The following GEN1 variants were observed in gnomAD, a reference collection of about 807,000 sequenced individuals.
GEN1 encodes GEN1 structure-specific endonuclease.
A neutral mutation model predicts 67.6 loss-of-function variants in GEN1; 64 were observed. The observed-to-expected ratio is 0.95, with a 90% CI of 0.77 to 1.17. GEN1 has a LOEUF of 1.17. Ranked by LOEUF, GEN1 falls within the 50% of genes most tolerant of loss-of-function variation. GEN1 has a pLI of 0.00. For missense variants in GEN1, 1,058 were observed against 1,048.3 expected (o/e 1.01, Z -0.13); for synonymous variants, 371 against 359.4 (o/e 1.03, Z -0.37).
chr2:17,754,516 GC>G (rs1463614259), intron 1 of GEN1, 171 bp downstream of exon 1: 1 of 152,178 alleles, frequency 6.6e-6, no homozygotes, highest in Non-Finnish European at 1.5e-5. Flanking sequence ...CCGCGACTTG[GC>G]CCCTGTTTTC....
At position 17,761,613 on chromosome 2, in the gene GEN1, G is replaced by A. The variant is rs549113820; in HGVS notation, c.348+31G>A. The A allele has an allele frequency of 4.8e-5, 71 of 1,475,594 alleles. 1 individual carries two copies. In the Middle Eastern group the frequency reaches 5.3e-4, roughly 11 times the overall value. The allele number at this position is 1,475,594 out of a possible 1,614,324, so 91.4% of individuals were successfully genotyped here. A position where few individuals can be genotyped will look rare whatever the true frequency, so the allele number is the denominator to read the frequency against. On this transcript the variant is annotated intron_variant, in intron 3 of 13. Transcript: ENST00000381254. Reference sequence around the variant, plus strand: ...CATTCAGATTTGATTCAGTAATTCCGATTTGAATTAAAGGGTGCATTTTAC... The same window carrying A: ...CATTCAGATTTGATTCAGTAATTCCAATTTGAATTAAAGGGTGCATTTTAC...
At position 17,786,854 on chromosome 2, in the gene GEN1, G is replaced by T. The variant is rs1267100796; in HGVS notation, c.*4915G>T. ...ACAGTGTTTGACACAGTAACTACTA[G>T]ATGCATGAATGACAATTCTCCACAA... is the stretch of plus-strand genomic sequence containing the variant. On this transcript the variant is annotated 3_prime_UTR_variant, in exon 14 of 14. Coordinates refer to ENST00000381254, the MANE Select transcript of GEN1 (RefSeq NM_001130009.3). 6.6e-6 allele frequency: 1 copy of T among 152,056 alleles called. No individual in the cohort carries two copies. The highest frequency in any genetic ancestry group is 1.5e-5 in the Non-Finnish European group (1 of 68,050). 9.4% of individuals were successfully genotyped at this position (152,056 alleles called of 1,614,324 possible).
chr2:17,771,055 A>T (rs1672164118), intron 6 of GEN1, 141 bp from the exon 7 acceptor site: 1 of 689,820 alleles, frequency 1.4e-6, no homozygotes, highest in African/African-American at 1.8e-5. Context: ...GTTTTCCCAC[A>T]CTAGGCCAGC....
rs1311513749 is a variant in GEN1 at position 17,781,609 on chromosome 2, A to T, written c.2397A>T (p.Arg799Ser). ...TGAAGAAGAGTGTTTGCCTTGACAG[A>T]CATTCCTCTGATGAACAAAGTGCCC... ...ILMKKSVCLD[R>S]HSSDEQSAPV... The change falls in exon 14 of 14, where the codon AGA becomes AGT. Residue 799 changes from arginine (R) to serine (S), a missense_variant. Coordinates refer to ENST00000381254, the MANE Select transcript of GEN1 (RefSeq NM_001130009.3). 6.2e-7 allele frequency: 1 copy of T among 1,613,930 alleles called. No individual in the cohort carries two copies. The highest frequency in any genetic ancestry group is 1.3e-5 in the African/African-American group (1 of 74,938).
chr2:17,769,660 TTAA>T lies in GEN1; in HGVS notation c.710+856_710+858del, dbSNP rs1208827080. Reference sequence around the variant, plus strand: ...TGGCCTTTGCTTTATAGCTACATATTTAATAATAACATTAATTCGTTTAGTCTC... The same window carrying T: ...TGGCCTTTGCTTTATAGCTACATATTTAATAACATTAATTCGTTTAGTCTC... On this transcript the variant is annotated intron_variant, in intron 6 of 13. Transcript: ENST00000381254. Among the ~76,000 whole-genome samples the T allele has an allele frequency of 3.3e-5, 5 of 152,200 alleles. No individual in the cohort carries two copies. The East Asian group carries it at 7.7e-4, about 23-fold the overall frequency.
At chr2:17,755,149 T>C (rs1440380226) in intron 1 of GEN1, 1 of 152,252 alleles carries the variant, frequency 6.6e-6, no homozygotes, top group Non-Finnish European at 1.5e-5. Context: ...GCCCTTGCCA[T>C]GGATCAACGA....
chr2:17,780,884 G>T lies in GEN1; in HGVS notation c.1672G>T (p.Ala558Ser). The part of the protein sequence containing the change: ...LRPLAIQQIK[A>S]VSKSLISESS... ...ACCTTTGGCTATACAGCAAATTAAA[G>T]CTGTCAGTAAGTCTCTAATTTCAGA... The change falls in exon 14 of 14, where the codon GCT becomes TCT. Residue 558 changes from alanine to serine, a missense_variant. Ala to Ser is a moderately conservative substitution (Grantham distance 99). Coordinates refer to ENST00000381254, the MANE Select transcript of GEN1 (RefSeq NM_001130009.3). The T allele has an allele frequency of 1.2e-6, 2 of 1,613,858 alleles. No homozygotes were observed. The highest frequency in any genetic ancestry group is 1.7e-6 in the Non-Finnish European group (2 of 1,179,916).
At chr2:17,772,881 T>G (rs888093713) in intron 8 of GEN1, 97 bp downstream of exon 8, 17 of 1,156,434 alleles carry the variant, frequency 1.5e-5, no homozygotes, top group Admixed American at 2.9e-5. Flanking sequence ...ATATCTAGAT[T>G]AGTCACATGT....
At position 17,782,214 on chromosome 2, in the gene GEN1, GTAAA is replaced by G. The variant is rs1558415441; in HGVS notation, c.*278_*281del. On this transcript the variant is annotated 3_prime_UTR_variant, in exon 14 of 14. Coordinates refer to ENST00000381254, the MANE Select transcript of GEN1 (RefSeq NM_001130009.3). ...AAATATTGGTATAGTACTTGACAGAGTAAATACTTCATCTGATTGTTCATTTTTA... is the reference window on the plus strand; with the variant it reads ...AAATATTGGTATAGTACTTGACAGAGTACTTCATCTGATTGTTCATTTTTA... 1 of 229,624 alleles carries G rather than the reference GTAAA, an allele frequency of 4.4e-6. No homozygotes were observed. Among genetic ancestry groups the G allele is most frequent in the Non-Finnish European group, 8.4e-6 (1 of 119,404 alleles). 14.2% of individuals were successfully genotyped at this position (229,624 alleles called of 1,614,324 possible).
intron 11 of GEN1, 114 bp downstream of exon 11, chr2:17,774,515 G>C (rs756451399): frequency 2.7e-6 from 2 of 733,312 alleles, no homozygotes; most frequent in Non-Finnish European, 4.2e-6. Context: ...AGGCCTCCTG[G>C]AATATTAAAA....
At chr2:17,768,632 GAGTTACCTC>G (rs1196717589) in intron 5 of GEN1, 97 bp from the exon 6 acceptor site, 1 of 769,638 alleles carries the variant, frequency 1.3e-6, no homozygotes, top group Non-Finnish European at 2.2e-6. Context: ...CTTTATTGAA[GAGTTACCTC>G]ATTCTTTCAG....
Position 17,759,955 on chromosome 2 carries a change from T to C in GEN1, c.12T>C (p.Asn4=). 3 of 1,613,970 alleles carry C rather than the reference T, an allele frequency of 1.9e-6. No homozygotes were observed. The highest frequency in any genetic ancestry group is 2.5e-6 in the Non-Finnish European group (3 of 1,179,928). ...AGATAATCACCAGAATGGGAGTGAA[T>C]GACTTGTGGCAAATTTTGGAGCCTG... is the stretch of plus-strand genomic sequence containing the variant. The part of the protein sequence containing the change: MGV[N]DLWQILEPVK... Residue 4 remains asparagine, a synonymous_variant, in exon 2 of 14, where the codon AAT becomes AAC. Coordinates refer to ENST00000381254, the MANE Select transcript of GEN1 (RefSeq NM_001130009.3).
At chr2:17,773,514 T>C (rs948155120) in intron 10 of GEN1, among the ~76,000 whole-genome samples, 1 of 152,080 alleles carries the variant, frequency 6.6e-6, no homozygotes, top group Non-Finnish European at 1.5e-5. Context: ...AGAAGATGCC[T>C]TAATTAGCAT....
intron 1 of GEN1, among the ~76,000 whole-genome samples, chr2:17,757,672 TC>T (rs1671494301): frequency 6.6e-6 from 1 of 152,218 alleles, no homozygotes; most frequent in African/African-American, 2.4e-5. Flanking sequence ...GAATTTCTCT[TC>T]CCTCAAAAAG....
chr2:17,778,288 A>G lies in GEN1; in HGVS notation c.1264+225A>G, dbSNP rs1366899095. Among the ~76,000 whole-genome samples, 2 of 117,276 alleles carry G rather than the reference A, an allele frequency of 1.7e-5. 1 individual carries two copies. Among genetic ancestry groups the G allele is most frequent in the Non-Finnish European group, 3.7e-5 (2 of 54,776 alleles). The allele number at this position is 117,276 out of a possible 152,430, so 76.9% of individuals were successfully genotyped here. A position where few individuals can be genotyped will look rare whatever the true frequency, so the allele number is the denominator to read the frequency against. The stretch of plus-strand genomic sequence containing the variant: ...TGTGTACATATATGTATATACACAC[A>G]CATGTGTGTGTACATATATGTATAT... On this transcript the variant is annotated intron_variant, in intron 12 of 13. Transcript: ENST00000381254.
At chr2:17,776,206 G>A (rs908300209) in intron 11 of GEN1, among the ~76,000 whole-genome samples, 4 of 151,650 alleles carry the variant, frequency 2.6e-5, no homozygotes, top group African/African-American at 9.7e-5. Flanking sequence ...GTTCTGTGGA[G>A]CTATTATCCT....
chr2:17,780,803 T>G lies in GEN1; in HGVS notation c.1591T>G (p.Leu531Val), dbSNP rs1672789057. 3 of 1,614,000 alleles carry G rather than the reference T, an allele frequency of 1.9e-6. No individual in the cohort carries two copies. Among genetic ancestry groups the G allele is most frequent in the Non-Finnish European group, 2.5e-6 (3 of 1,179,946 alleles). Residue 531 changes from leucine to valine, a missense_variant, in exon 14 of 14, where the codon TTA becomes GTA. Transcript: ENST00000381254. ...TTCTGCCTCATTGAATAGCTTGCTT[T>G]TACCTAAAAATACTCCATGTTTGAA... is the stretch of plus-strand genomic sequence containing the variant. Reference protein sequence around the residue: ...SISASLNSLLLPKNTPCLNAQ... With the variant: ...SISASLNSLLVPKNTPCLNAQ...
Position 17,760,055 on chromosome 2 carries a change from G to C in GEN1, c.112G>C (p.Ala38Pro). Residue 38 changes from alanine to proline, a missense_variant, in exon 2 of 14, where the codon GCA becomes CCA. Coordinates refer to ENST00000381254, the MANE Select transcript of GEN1 (RefSeq NM_001130009.3). ...AVDLSLWVCE[A>P]QTVKKMMGSV... ...TGATCTGAGTCTCTGGGTGTGTGAG[G>C]CACAGACAGTCAAAAAAATGATGGG... The C allele has an allele frequency of 2.5e-6, 4 of 1,613,948 alleles. No homozygotes were observed. Among genetic ancestry groups the C allele is most frequent in the Non-Finnish European group, 3.4e-6 (4 of 1,179,950 alleles).
At chr2:17,759,200 A>G (rs1671560725) in intron 1 of GEN1, among the ~76,000 whole-genome samples, 1 of 152,232 alleles carries the variant, frequency 6.6e-6, no homozygotes, top group African/African-American at 2.4e-5. Flanking sequence ...ATGCTACTTA[A>G]TGTCTTTACC....
Sources: gnomAD v4.1 joint callset for allele counts (sites outside exome capture counted in the v4.1 genomes callset) on GRCh38, gnomAD v4.1.1 for gene constraint, MANE v1.5 for transcripts, NCBI Gene and HGNC (gene_info 2026-07-23, HGNC 2026-07-21) for gene names.